CNNM2: variants seen among roughly 807,000 people sequenced by gnomAD.
The protein encoded by CNNM2 is metal transporter CNNM2.
CNNM2 carries 12 observed loss-of-function variants against 66.9 expected under a neutral mutation model. The ratio of observed to expected loss-of-function variants is 0.18; its 90% CI spans 0.11 to 0.29. CNNM2 has a LOEUF of 0.29. CNNM2 is among the 10% of genes least tolerant of loss of function. The pLI is 1.00. For missense variants in CNNM2, 705 were observed against 1,167.7 expected (o/e 0.60, Z 5.77); for synonymous variants, 557 against 501.8 (o/e 1.11, Z -1.47).
At chr10:103,057,076 C>A in intron 4 of CNNM2, 112 bp downstream of exon 4, 1 of 1,030,836 alleles carries the variant, frequency 9.7e-7, no homozygotes, top group Non-Finnish European at 1.4e-6. Flanking sequence ...TAGGGGGTAG[C>A]CTTAGACATG....
intron 1 of CNNM2, among the ~76,000 whole-genome samples, chr10:102,962,472 A>G (rs2063397279): frequency 6.6e-6 from 1 of 152,214 alleles, no homozygotes; most frequent in African/African-American, 2.4e-5. Flanking sequence ...TACTCCTAGT[A>G]GTCAACTTTC....
chr10:102,991,691 A>G (rs1022944281), intron 1 of CNNM2, among the ~76,000 whole-genome samples: 1 of 152,200 alleles, frequency 6.6e-6, no homozygotes, highest in Non-Finnish European at 1.5e-5. Context: ...TTTTCAAGGA[A>G]TGTTATATTA....
At chr10:103,014,590 G>A (rs2064405764) in intron 1 of CNNM2, among the ~76,000 whole-genome samples, 3 of 152,118 alleles carry the variant, frequency 2.0e-5, no homozygotes, top group Admixed American at 6.6e-5. Flanking sequence ...ATTTTTAAAA[G>A]CCCACTTTTC....
At chr10:103,045,979 T>A (rs994692926) in intron 1 of CNNM2, among the ~76,000 whole-genome samples, 4 of 152,210 alleles carry the variant, frequency 2.6e-5, no homozygotes, top group Admixed American at 6.5e-5. Context: ...GTACATTTAA[T>A]AATATAGTGG....
chr10:103,038,942 A>G (rs1049775829), intron 1 of CNNM2, among the ~76,000 whole-genome samples: 1 of 152,044 alleles, frequency 6.6e-6, no homozygotes, highest in Non-Finnish European at 1.5e-5. Context: ...TGGTGGGAAA[A>G]TTCAATTGGA....
intron 1 of CNNM2, among the ~76,000 whole-genome samples, chr10:103,035,744 ATTGT>A (rs1328441925): frequency 3.9e-5 from 6 of 152,140 alleles, no homozygotes; most frequent in East Asian, 3.9e-4. Context: ...GAGACCATCC[ATTGT>A]TTGTTTATTG....
At chr10:103,002,611 C>G (rs1181836350) in intron 1 of CNNM2, among the ~76,000 whole-genome samples, 1 of 151,786 alleles carries the variant, frequency 6.6e-6, no homozygotes, top group Non-Finnish European at 1.5e-5. Context: ...TCCTGAGTAG[C>G]TGGGATTACA....
At chr10:103,046,652 T>C (rs1031191731) in intron 1 of CNNM2, among the ~76,000 whole-genome samples, 25 of 152,220 alleles carry the variant, frequency 1.6e-4, no homozygotes, top group African/African-American at 5.3e-4. Context: ...AAAAATATTT[T>C]CTAAAACAAA....
intron 1 of CNNM2, among the ~76,000 whole-genome samples, chr10:102,943,279 A>G (rs1345115029): frequency 6.6e-6 from 1 of 151,478 alleles, no homozygotes; most frequent in Non-Finnish European, 1.5e-5. Flanking sequence ...AGAAAGCTGC[A>G]TTGCTGGGCA....
intron 3 of CNNM2, among the ~76,000 whole-genome samples, chr10:103,056,485 C>A (rs2065299294): frequency 6.6e-6 from 1 of 152,138 alleles, no homozygotes. Flanking sequence ...AGGGGCATCC[C>A]CCGCACTCAA....
intron 1 of CNNM2, among the ~76,000 whole-genome samples, chr10:102,963,621 G>A (rs764693108): frequency 9.2e-5 from 14 of 151,666 alleles, no homozygotes; most frequent in Non-Finnish European, 2.9e-5. Context: ...CATTATTATT[G>A]TAAACAGTTT....
At position 103,087,132 on chromosome 10, in the gene CNNM2, T is replaced by G. The variant is rs1254029845; in HGVS notation, c.*9952T>G. 7.8e-6 allele frequency: 1 copy of G among 128,610 alleles called. No homozygotes were observed. The highest frequency in any genetic ancestry group is 1.6e-5 in the Non-Finnish European group (1 of 61,862). 8.0% of individuals were successfully genotyped at this position (128,610 alleles called of 1,614,324 possible). On this transcript the variant is annotated 3_prime_UTR_variant, in exon 8 of 8. Transcript: ENST00000369878. ...GAATGGTCTTCTCACGGTATAAAACTCCGCAGGATTTTTTTTTTTTTTTTT... is the reference window on the plus strand; with the variant it reads ...GAATGGTCTTCTCACGGTATAAAACGCCGCAGGATTTTTTTTTTTTTTTTT...
rs117021645 is a variant in CNNM2, at chr10:103,022,844, G to A, written c.1622-26863G>A. Among the ~76,000 whole-genome samples the A allele has an allele frequency of 1.3e-3, 197 of 152,276 alleles. 2 individuals carry two copies. In the East Asian group the frequency reaches 0.036, roughly 28 times the overall value. ...TTTACGATCATGGTGAAAGGCAAAG[G>A]GGGAGCAGATGTATCACATGGCAAG... On this transcript the variant is annotated intron_variant, in intron 1 of 7. Coordinates refer to ENST00000369878, the MANE Select transcript of CNNM2 (RefSeq NM_017649.5).
At chr10:103,053,792 CAT>C (rs1182767317) in intron 2 of CNNM2, among the ~76,000 whole-genome samples, 1 of 152,152 alleles carries the variant, frequency 6.6e-6, no homozygotes, top group Non-Finnish European at 1.5e-5. Flanking sequence ...GTGAAGCAAA[CAT>C]ATTATTAAAA....
intron 1 of CNNM2, among the ~76,000 whole-genome samples, chr10:102,945,483 G>A (rs1846584601): frequency 6.6e-6 from 1 of 152,040 alleles, no homozygotes; most frequent in Non-Finnish European, 1.5e-5. Context: ...GTTTTCTTTT[G>A]CGTACATTCC....
chr10:102,981,103 C>T (rs550674043), intron 1 of CNNM2, among the ~76,000 whole-genome samples: 1 of 152,236 alleles, frequency 6.6e-6, no homozygotes, highest in African/African-American at 2.4e-5. Flanking sequence ...AATCCCAGCA[C>T]TTTGGGAGGC....
At chr10:103,055,310 A>G (rs909820000) in intron 3 of CNNM2, among the ~76,000 whole-genome samples, 10 of 152,224 alleles carry the variant, frequency 6.6e-5, no homozygotes, top group African/African-American at 1.9e-4. Flanking sequence ...AACTTAAACC[A>G]TGTTTAAAAG....
chr10:102,927,959 A>C (rs1363044999), intron 1 of CNNM2, among the ~76,000 whole-genome samples: 3 of 152,140 alleles, frequency 2.0e-5, no homozygotes, highest in African/African-American at 7.2e-5. Context: ...CGGAGGTGGG[A>C]GTGCTTCTTT....
At chr10:102,973,504 G>A (rs1462694232) in intron 1 of CNNM2, among the ~76,000 whole-genome samples, 4 of 145,978 alleles carry the variant, frequency 2.7e-5, no homozygotes, top group African/African-American at 1.0e-4. Context: ...CTAATTTTCT[G>A]TGTGTGTGTG....
Sources: allele counts gnomAD v4.1 joint callset (sites outside exome capture counted in the v4.1 genomes callset), GRCh38; gene constraint gnomAD v4.1.1; transcripts MANE v1.5; gene names NCBI Gene and HGNC (gene_info 2026-07-23, HGNC 2026-07-21).